Variants in PDSS2 observed in about 807,000 individuals in gnomAD.
The protein encoded by PDSS2 is all trans-polyprenyl-diphosphate synthase PDSS2.
PDSS2 carries 31 observed loss-of-function variants against 44.5 expected under a neutral mutation model. The observed-to-expected ratio is 0.70, with a 90% CI of 0.52 to 0.94. The LOEUF (loss-of-function observed/expected upper bound fraction) is 0.94, where lower values mean the gene tolerates loss of function less well. Ranked by LOEUF, PDSS2 falls within the 40% of genes least tolerant of loss-of-function variation. The pLI, the probability that PDSS2 is intolerant of heterozygous loss-of-function variation, is 0.00. For synonymous variants in PDSS2, 157 were observed against 180.3 expected, an observed-to-expected ratio of 0.87 and a Z score of 1.03; for missense variants, 452 against 482.2, an observed-to-expected ratio of 0.94 and a Z score of 0.59.
In PDSS2 at chr6:107,429,901, AATATATATATAT is replaced by A. The variant is rs869061691; in HGVS notation, c.296+29077_296+29088del. On this transcript the variant is annotated intron_variant, in intron 1 of 7. Coordinates refer to ENST00000369037, the MANE Select transcript of PDSS2 (RefSeq NM_020381.4). ...CTTAGTCTCAAAAAAAAAAAAAAAA[AATATATATATAT>A]ATATATATATATATATATATATATA... 8.2e-4 allele frequency among the ~76,000 whole-genome samples: 26 copies of A among 31,842 alleles called. 3 individuals are homozygous for A. The highest frequency in any genetic ancestry group is 7.7e-3 in the South Asian group (3 of 392). The allele number at this position is 31,842 out of a possible 152,430, so 20.9% of individuals were successfully genotyped here. A position where few individuals can be genotyped will look rare whatever the true frequency, so the allele number is the denominator to read the frequency against.
chr6:107,335,288 CAAG>C (rs779808465), intron 1 of PDSS2, among the ~76,000 whole-genome samples: 2 of 151,634 alleles, frequency 1.3e-5, no homozygotes, highest in Non-Finnish European at 1.5e-5. Flanking sequence ...GCTCTGGTAA[CAAG>C]AAGAACCCAT....
chr6:107,189,647 A>AT (rs948777045), intron 7 of PDSS2, among the ~76,000 whole-genome samples: 54 of 152,210 alleles, frequency 3.5e-4, no homozygotes, highest in African/African-American at 1.3e-3. Flanking sequence ...CCAGCCAGGT[A>AT]TTTTTTATTG....
intron 1 of PDSS2, among the ~76,000 whole-genome samples, chr6:107,384,344 A>G (rs552691858): frequency 6.6e-6 from 1 of 152,178 alleles, no homozygotes; most frequent in African/African-American, 2.4e-5. Flanking sequence ...TAAATACACT[A>G]AAACCCACTA....
chr6:107,216,340 A>G (rs1437669997), intron 4 of PDSS2, among the ~76,000 whole-genome samples: 1 of 148,574 alleles, frequency 6.7e-6, no homozygotes, highest in Non-Finnish European at 1.5e-5. Flanking sequence ...GGGCATGGTG[A>G]AGTACTCCTG....
At chr6:107,453,455 A>G (rs1458961537) in intron 1 of PDSS2, among the ~76,000 whole-genome samples, 4 of 151,626 alleles carry the variant, frequency 2.6e-5, no homozygotes, top group Non-Finnish European at 4.4e-5. Context: ...ATTTTTAGAG[A>G]AAGAAAAAAA....
intron 1 of PDSS2, among the ~76,000 whole-genome samples, chr6:107,400,273 C>T (rs939315485): frequency 2.0e-5 from 3 of 152,146 alleles, no homozygotes; most frequent in Admixed American, 2.0e-4. Flanking sequence ...TTAGGGGACA[C>T]ATGGATGCCT....
In PDSS2 at chr6:107,154,765, T is replaced by C; in HGVS notation, c.1054A>G (p.Ile352Val). ...RLDYAKLRER[I>V]KAGKGVTSAI... ...GAAGTCACACCTTTGCCAGCTTTGA[T>C]TCTTTCTCGCAACTGTTAAGAAACA... The change falls in exon 8 of 8, where the codon ATC (isoleucine) becomes GTC (valine). Residue 352 changes from isoleucine to valine, a missense_variant. Transcript: ENST00000369037. The C allele has an allele frequency of 6.2e-7, 1 of 1,614,186 alleles. No individual in the cohort carries two copies. Among genetic ancestry groups the C allele is most frequent in the Middle Eastern group, 1.6e-4 (1 of 6,062 alleles).
intron 1 of PDSS2, among the ~76,000 whole-genome samples, chr6:107,452,886 C>T (rs1185883683): frequency 1.5e-4 from 22 of 151,564 alleles, no homozygotes; most frequent in African/African-American, 4.4e-4. Flanking sequence ...AGGCTGGTAT[C>T]GAACTCCTGA....
intron 1 of PDSS2, among the ~76,000 whole-genome samples, chr6:107,424,036 CTTT>C (rs56318621): frequency 3.3e-5 from 3 of 90,596 alleles, no homozygotes; most frequent in East Asian, 5.3e-4. Context: ...TATCTTGCAT[CTTT>C]TTTTTTTTTT....
At chr6:107,394,609 A>G (rs1779883871) in intron 1 of PDSS2, among the ~76,000 whole-genome samples, 1 of 152,158 alleles carries the variant, frequency 6.6e-6, no homozygotes, top group Non-Finnish European at 1.5e-5. Context: ...ACAATTCAAC[A>G]TGGGATTTGG....
chr6:107,257,860 G>C (rs1775076737), intron 3 of PDSS2, among the ~76,000 whole-genome samples: 2 of 152,086 alleles, frequency 1.3e-5, no homozygotes, highest in Admixed American at 1.3e-4. Flanking sequence ...CAAGTGATCT[G>C]CCCACCTCGG....
intron 1 of PDSS2, among the ~76,000 whole-genome samples, chr6:107,404,216 T>C (rs112404247): frequency 0.069 from 10,531 of 152,238 alleles, 432 homozygotes; most frequent in Non-Finnish European, 0.092. Flanking sequence ...CATCTCCATC[T>C]GAGACCATCT....
intron 3 of PDSS2, among the ~76,000 whole-genome samples, chr6:107,268,090 C>T (rs1775470503): frequency 6.6e-6 from 1 of 152,112 alleles, no homozygotes; most frequent in African/African-American, 2.4e-5. Flanking sequence ...TACTTGTCTC[C>T]TAGTATCTTT....
At chr6:107,273,185 T>C (rs1423725926) in intron 3 of PDSS2, among the ~76,000 whole-genome samples, 4 of 152,150 alleles carry the variant, frequency 2.6e-5, no homozygotes, top group Non-Finnish European at 5.9e-5. Flanking sequence ...GGTTTCACCA[T>C]GTTGGCTAGA....
At chr6:107,419,621 T>C (rs1439150270) in intron 1 of PDSS2, among the ~76,000 whole-genome samples, 5 of 152,232 alleles carry the variant, frequency 3.3e-5, no homozygotes, top group Non-Finnish European at 7.3e-5. Flanking sequence ...CATCAAATTC[T>C]CTGATAATGT....
intron 7 of PDSS2, among the ~76,000 whole-genome samples, chr6:107,180,497 C>G (rs1192382316): frequency 6.6e-6 from 1 of 152,118 alleles, no homozygotes; most frequent in Non-Finnish European, 1.5e-5. Context: ...AGAGGTTAGG[C>G]AAAAACGCGC....
At chr6:107,270,391 C>T (rs1169584676) in intron 3 of PDSS2, among the ~76,000 whole-genome samples, 1 of 152,078 alleles carries the variant, frequency 6.6e-6, no homozygotes, top group Non-Finnish European at 1.5e-5. Flanking sequence ...GGATTACAGG[C>T]ATGAGCCACC....
chr6:107,280,237 T>C (rs371937981), intron 2 of PDSS2, among the ~76,000 whole-genome samples: 1 of 152,146 alleles, frequency 6.6e-6, no homozygotes, highest in Non-Finnish European at 1.5e-5. Flanking sequence ...GTTTTTTGTA[T>C]TTTTAGTAGA....
intron 1 of PDSS2, among the ~76,000 whole-genome samples, chr6:107,352,162 A>G (rs1443203506): frequency 6.6e-6 from 1 of 152,220 alleles, no homozygotes; most frequent in African/African-American, 2.4e-5. Flanking sequence ...TTAAGTTAGT[A>G]TTGCTATTAT....
Sources: gnomAD v4.1 joint callset for allele counts (sites outside exome capture counted in the v4.1 genomes callset) on GRCh38, gnomAD v4.1.1 for gene constraint, MANE v1.5 for transcripts, NCBI Gene and HGNC (gene_info 2026-07-23, HGNC 2026-07-21) for gene names.